The following NOS1 variants were observed in gnomAD, a reference collection of about 807,000 sequenced individuals.
NOS1 encodes the protein NOS type I.
In NOS1, 51 loss-of-function variants were observed where a neutral mutation model predicts 164.5. The ratio of observed to expected loss-of-function variants is 0.31; its 90% CI spans 0.25 to 0.39. The LOEUF is 0.39. Ranked by LOEUF, NOS1 falls within the 10% of genes least tolerant of loss-of-function variation. NOS1 has a pLI of 1.00. For missense variants in NOS1, 1,362 were observed against 1,885.6 expected, an observed-to-expected ratio of 0.72 and a Z score of 5.14; for synonymous variants, 719 against 745.8, an observed-to-expected ratio of 0.96 and a Z score of 0.59.
intron 1 of NOS1, among the ~76,000 whole-genome samples, chr12:117,353,076 C>G (rs755915622): frequency 3.9e-5 from 6 of 152,030 alleles, no homozygotes; most frequent in Non-Finnish European, 7.4e-5. Flanking sequence ...ACCTATCTAC[C>G]TACTTACCTA....
At chr12:117,286,359 A>G (rs1346092979) in intron 5 of NOS1, 93 bp from the exon 6 acceptor site, 10 of 1,384,834 alleles carry the variant, frequency 7.2e-6, no homozygotes, top group Non-Finnish European at 8.9e-6. Flanking sequence ...GCTGGAAGCT[A>G]CAAAAAATTC....
intron 3 of NOS1, among the ~76,000 whole-genome samples, chr12:117,299,709 A>G (rs1341617930): frequency 2.0e-5 from 3 of 149,344 alleles, no homozygotes; most frequent in African/African-American, 7.4e-5. Flanking sequence ...TCTCTTCTGT[A>G]ATTCAACAGT....
Position 117,214,692 on chromosome 12 carries a change from G to T in NOS1, c.*617C>A. ...TTCCAAATGTTTCAGGTACATGGGC[G>T]TGGACCCTAATTATGGACACACGAG... On this transcript the variant is annotated 3_prime_UTR_variant, in exon 29 of 29. Coordinates refer to ENST00000317775, the MANE Select transcript of NOS1 (RefSeq NM_000620.5). The T allele has an allele frequency of 1.0e-6, 1 of 985,288 alleles. No homozygotes were observed. The highest frequency in any genetic ancestry group is 5.2e-4 in the Middle Eastern group (1 of 1,914). The allele number at this position is 985,288 out of a possible 1,614,324, so 61.0% of individuals were successfully genotyped here.
intron 27 of NOS1, among the ~76,000 whole-genome samples, 163 bp from the exon 28 acceptor site, chr12:117,218,327 ACT>A (rs1288382641): frequency 1.3e-5 from 2 of 151,990 alleles, no homozygotes; most frequent in Non-Finnish European, 2.9e-5. Context: ...GATCTCGAAG[ACT>A]CTGCTCAGCA....
At chr12:117,295,226 C>T (rs910288119) in intron 3 of NOS1, among the ~76,000 whole-genome samples, 1 of 152,220 alleles carries the variant, frequency 6.6e-6, no homozygotes, top group Non-Finnish European at 1.5e-5. Context: ...GATCTGCAGA[C>T]GGCGTGGCCC....
chr12:117,210,941 T>G lies in NOS1; in HGVS notation c.*4368A>C. The stretch of plus-strand genomic sequence containing the variant: ...CTCTCTCTCAGCTAGGGGCAAGATG[T>G]TTTATTTTATTTTATTTTATTTTAT... On this transcript the variant is annotated 3_prime_UTR_variant, in exon 29 of 29. Transcript: ENST00000317775. 1 of 941,588 alleles carries G rather than the reference T, an allele frequency of 1.1e-6. No individual in the cohort carries two copies. The highest frequency in any genetic ancestry group is 1.2e-6 in the Non-Finnish European group (1 of 801,438). The allele number at this position is 941,588 out of a possible 1,614,324, so 58.3% of individuals were successfully genotyped here. A position where few individuals can be genotyped will look rare whatever the true frequency, so the allele number is the denominator to read the frequency against.
intron 17 of NOS1, among the ~76,000 whole-genome samples, chr12:117,248,349 C>A (rs1432642593): frequency 6.6e-6 from 1 of 151,580 alleles, no homozygotes; most frequent in Non-Finnish European, 1.5e-5. Flanking sequence ...CTCCCCTCTC[C>A]CCCCACCCCA....
intron 26 of NOS1, among the ~76,000 whole-genome samples, chr12:117,221,818 A>ATTT (rs3070338): frequency 2.7e-5 from 3 of 111,546 alleles, no homozygotes; most frequent in Non-Finnish European, 5.2e-5. Flanking sequence ...GCTAACTTAA[A>ATTT]TTTTTTTTTT....
intron 16 of NOS1, among the ~76,000 whole-genome samples, chr12:117,257,829 A>C (rs1018595315): frequency 2.6e-5 from 3 of 114,938 alleles, no homozygotes; most frequent in Non-Finnish European, 5.2e-5. Context: ...TTTGAGATGG[A>C]GTTTTGCTCT....
intron 21 of NOS1, among the ~76,000 whole-genome samples, chr12:117,233,362 AT>A (rs1158036461): frequency 6.6e-6 from 1 of 151,124 alleles, no homozygotes; most frequent in Non-Finnish European, 1.5e-5. Flanking sequence ...TGCCTGGCTA[AT>A]TTTTGTATTT....
intron 3 of NOS1, among the ~76,000 whole-genome samples, chr12:117,297,868 C>T (rs1873531515): frequency 6.6e-6 from 1 of 152,044 alleles, no homozygotes; most frequent in African/African-American, 2.4e-5. Context: ...ACGAGCCTCA[C>T]AGTGAAACCA....
intron 2 of NOS1, among the ~76,000 whole-genome samples, chr12:117,315,884 T>C (rs1434116602): frequency 2.6e-5 from 4 of 152,352 alleles, no homozygotes; most frequent in Admixed American, 2.6e-4. Context: ...TTACTGCTTA[T>C]GGAATATCAG....
chr12:117,234,844 GCAATTCT>G lies in NOS1; in HGVS notation c.3042-93_3042-87del. ...GCTCTTCTGTCTGTCCTTGTTGGCT[GCAATTCT>G]CCTCCTTCCATTCTTGTTGGGGCCC... On this transcript the variant is annotated intron_variant, in intron 20 of 28. Coordinates refer to ENST00000317775, the MANE Select transcript of NOS1 (RefSeq NM_000620.5). The surrounding 1 kb of genome is among the most constrained non-coding windows in gnomAD (Gnocchi z 4.3). The G allele has an allele frequency of 8.8e-7, 1 of 1,141,258 alleles. No homozygotes were observed. 70.7% of individuals were successfully genotyped at this position (1,141,258 alleles called of 1,614,324 possible). A position where few individuals can be genotyped will look rare whatever the true frequency, so the allele number is the denominator to read the frequency against.
chr12:117,215,143 G>A lies in NOS1; in HGVS notation c.*166C>T. On this transcript the variant is annotated 3_prime_UTR_variant, in exon 29 of 29. Transcript: ENST00000317775. ...AGGAAAACTCAAGGAGTAAACCCAG[G>A]AGGGCCGAGGAAACCACTGAGGGGC... The A allele has an allele frequency of 6.1e-6, 8 of 1,319,632 alleles. No homozygotes were observed. The highest frequency in any genetic ancestry group is 7.8e-6 in the Non-Finnish European group (8 of 1,025,558). The allele number at this position is 1,319,632 out of a possible 1,614,324, so 81.7% of individuals were successfully genotyped here.
In NOS1 at chr12:117,272,616, G is replaced by T; in HGVS notation, c.1665-57C>A. 1 of 1,525,678 alleles carries T rather than the reference G, an allele frequency of 6.6e-7. No individual in the cohort carries two copies. The highest frequency in any genetic ancestry group is 9.0e-7 in the Non-Finnish European group (1 of 1,116,930). 94.5% of individuals were successfully genotyped at this position (1,525,678 alleles called of 1,614,324 possible). On this transcript the variant is annotated intron_variant, in intron 9 of 28. Coordinates refer to ENST00000317775, the MANE Select transcript of NOS1 (RefSeq NM_000620.5). This position sits in a 1 kb window ranked among gnomAD's most constrained non-coding sequence, Gnocchi z 4.3. ...GAGCAGGTGTCTCATGGGCGGGACA[G>T]CTTGAATCTAGAGATGCTGAAATGC...
intron 14 of NOS1, among the ~76,000 whole-genome samples, chr12:117,260,072 T>C (rs1871767919): frequency 6.9e-6 from 1 of 145,318 alleles, no homozygotes; most frequent in South Asian, 2.2e-4. Flanking sequence ...TGAGCCGAGA[T>C]CGCGCCACTG....
chr12:117,305,948 G>A (rs1181976869), intron 3 of NOS1, among the ~76,000 whole-genome samples: 1 of 151,806 alleles, frequency 6.6e-6, no homozygotes, highest in African/African-American at 2.4e-5. Flanking sequence ...TGTGCCTCAC[G>A]CCTGGGCTCA....
chr12:117,357,711 G>A (rs1876919583), intron 1 of NOS1, among the ~76,000 whole-genome samples: 1 of 152,186 alleles, frequency 6.6e-6, no homozygotes, highest in African/African-American at 2.4e-5. Flanking sequence ...TAGATTTAGG[G>A]TGGGGTCTGG....
In NOS1 at chr12:117,209,072, G is replaced by A. The variant is rs1956489421; in HGVS notation, c.*6237C>T. The A allele has an allele frequency of 1.0e-6, 1 of 985,162 alleles. No individual in the cohort carries two copies. The highest frequency in any genetic ancestry group is 1.2e-6 in the Non-Finnish European group (1 of 829,932). 61.0% of individuals were successfully genotyped at this position (985,162 alleles called of 1,614,324 possible). On this transcript the variant is annotated 3_prime_UTR_variant, in exon 29 of 29. Transcript: ENST00000317775. ...TGCCCTCCCCATGCCCCCTCCCCCG[G>A]ACACCCTCAAATCCCACTTTGGCAG...
Sources: gnomAD v4.1 joint callset for allele counts (sites outside exome capture counted in the v4.1 genomes callset) on GRCh38, gnomAD v4.1.1 for gene constraint, Gnocchi (gnomAD v3.1) non-coding constraint, MANE v1.5 for transcripts, NCBI Gene and HGNC (gene_info 2026-07-23, HGNC 2026-07-21) for gene names.